COL16A1: variants seen among roughly 807,000 people sequenced by gnomAD.
COL16A1 encodes collagen type XVI alpha 1 chain, also known as collagen alpha-1(XVI) chain.
COL16A1 carries 189 observed loss-of-function variants against 266.3 expected under a neutral mutation model. The observed-to-expected ratio is 0.71, with a 90% CI of 0.63 to 0.80. COL16A1 has a LOEUF of 0.80. COL16A1 is among the 30% of genes least tolerant of loss of function. The pLI, the probability that COL16A1 is intolerant of heterozygous loss-of-function variation, is 0.00. For missense variants in COL16A1, 1,928 were observed against 2,122.4 expected (o/e 0.91, Z 1.80); for synonymous variants, 740 against 782.3 (o/e 0.95, Z 0.90).
At position 31,698,380 on chromosome 1, in the gene COL16A1, A is replaced by G; in HGVS notation, c.390+103T>C. On this transcript the variant is annotated intron_variant, in intron 5 of 70. Transcript: ENST00000373672. The surrounding 1 kb of genome is among the most constrained non-coding windows in gnomAD (Gnocchi z 4.1). ...GGACAGGCTTGAGGGTAGGCACAGG[A>G]TGGAGCAGGGAGACCCCAGAAGTCA... 6.4e-7 allele frequency: 1 copy of G among 1,566,428 alleles called. No individual in the cohort carries two copies. The highest frequency in any genetic ancestry group is 8.7e-7 in the Non-Finnish European group (1 of 1,153,314).
At chr1:31,677,948 AC>A (rs1643324316) in intron 42 of COL16A1, among the ~76,000 whole-genome samples, 2 of 152,302 alleles carry the variant, frequency 1.3e-5, no homozygotes, top group South Asian at 4.1e-4. Context: ...AATGACTCTT[AC>A]ACTTCCCCAA....
At chr1:31,674,369 G>C (rs1435905428) in intron 44 of COL16A1, among the ~76,000 whole-genome samples, 1 of 152,224 alleles carries the variant, frequency 6.6e-6, no homozygotes, top group Non-Finnish European at 1.5e-5. Context: ...CGTTTCTAGA[G>C]GTGACTAAGC....
chr1:31,665,495 C>G, intron 55 of COL16A1, 88 bp downstream of exon 55: 2 of 1,610,232 alleles, frequency 1.2e-6, no homozygotes, highest in Non-Finnish European at 8.5e-7. Context: ...CTCCCCAGGA[C>G]CATCCTACCC....
At chr1:31,702,759 A>T (rs940380806) in intron 1 of COL16A1, among the ~76,000 whole-genome samples, 1 of 152,102 alleles carries the variant, frequency 6.6e-6, no homozygotes, top group Non-Finnish European at 1.5e-5. Context: ...CTGGGCTGAG[A>T]TTGTGGGCCA....
chr1:31,690,073 C>T, intron 22 of COL16A1: 1 of 621,794 alleles, frequency 1.6e-6, no homozygotes, highest in South Asian at 2.0e-5. Context: ...CGCCGTAAGC[C>T]TTAAAACATG....
chr1:31,682,472 T>C (rs1643715880), intron 37 of COL16A1, among the ~76,000 whole-genome samples: 1 of 152,228 alleles, frequency 6.6e-6, no homozygotes, highest in Non-Finnish European at 1.5e-5. Context: ...AACAGCCACC[T>C]GTGGTTGTGC....
At chr1:31,669,488 C>A (rs1642455351) in intron 49 of COL16A1, among the ~76,000 whole-genome samples, 1 of 152,002 alleles carries the variant, frequency 6.6e-6, no homozygotes, top group African/African-American at 2.4e-5. Flanking sequence ...AGGTGCCATG[C>A]CATTAAGGGC....
chr1:31,701,590 G>C, intron 2 of COL16A1: 1 of 984,892 alleles, frequency 1.0e-6, no homozygotes. Flanking sequence ...CTCATCCAGA[G>C]TCTGGGCCTC....
At position 31,700,006 on chromosome 1, in the gene COL16A1, G is replaced by A. The variant is rs758428026; in HGVS notation, c.148+35C>T. ...TACAGATCACTCCCAGAGGAAGGTT[G>A]CAGGGACGGCGCGATGAGATGGTTG... On this transcript the variant is annotated intron_variant, in intron 3 of 70. Transcript: ENST00000373672. The A allele has an allele frequency of 3.7e-5, 59 of 1,611,028 alleles. No homozygotes were observed. The East Asian group carries it at 1.1e-3, about 29-fold the overall frequency.
intron 1 of COL16A1, 98 bp from the exon 2 acceptor site, chr1:31,702,325 G>T: frequency 8.0e-7 from 1 of 1,256,730 alleles, no homozygotes; most frequent in Non-Finnish European, 1.1e-6. Flanking sequence ...CCCAGGCACT[G>T]GTATTGGGGT....
At chr1:31,655,743 T>G in intron 66 of COL16A1, 1 of 632,706 alleles carries the variant, frequency 1.6e-6, no homozygotes, top group East Asian at 3.2e-5. Flanking sequence ...AAAGCACTCA[T>G]TCGTTGGCCG....
At chr1:31,658,856 C>T (rs1316591097) in intron 63 of COL16A1, 58 bp downstream of exon 63, 2 of 1,540,036 alleles carry the variant, frequency 1.3e-6, no homozygotes, top group Admixed American at 2.0e-5. Context: ...GAATGGAGCC[C>T]ACAGTCAAGC....
At chr1:31,703,188 C>A (rs1167911364) in intron 1 of COL16A1, among the ~76,000 whole-genome samples, 1 of 152,200 alleles carries the variant, frequency 6.6e-6, no homozygotes, top group African/African-American at 2.4e-5. Context: ...TACCCACATG[C>A]GCACAGCCAG....
At chr1:31,690,495 G>A in intron 21 of COL16A1, 34 bp downstream of exon 21, 1 of 1,614,108 alleles carries the variant, frequency 6.2e-7, no homozygotes, top group Admixed American at 1.7e-5. Flanking sequence ...CCTTGGAAGA[G>A]CCGACCCTCC....
chr1:31,656,297 C>T lies in COL16A1; in HGVS notation c.4101+103G>A, dbSNP rs573992845. On this transcript the variant is annotated intron_variant, in intron 66 of 70. Transcript: ENST00000373672. The surrounding 1 kb of genome is among the most constrained non-coding windows in gnomAD (Gnocchi z 4.2). ...GTTCTGCATTTTTGCCCCCTGCCCA[C>T]TGGCCTTCCTGTGTCTCCTCTCTGT... is the stretch of plus-strand genomic sequence containing the variant. 2.6e-6 allele frequency: 4 copies of T among 1,542,890 alleles called. No individual in the cohort carries two copies. The African/African-American group carries it at 4.2e-5, about 16-fold the overall frequency.
chr1:31,683,683 G>T (rs751281384), intron 34 of COL16A1, 24 bp downstream of exon 34: 5 of 1,613,966 alleles, frequency 3.1e-6, no homozygotes, highest in Non-Finnish European at 4.2e-6. Flanking sequence ...GAGAGGACAG[G>T]CAAAGGCAGG....
At chr1:31,683,126 C>G in intron 36 of COL16A1, 68 bp downstream of exon 36, 1 of 1,611,394 alleles carries the variant, frequency 6.2e-7, no homozygotes, top group South Asian at 1.1e-5. Context: ...GCCCCCATGT[C>G]CCCTGTGCCT....
intron 23 of COL16A1, chr1:31,689,431 T>A (rs1397456752): frequency 1.8e-6 from 1 of 552,272 alleles, no homozygotes; most frequent in Non-Finnish European, 3.2e-6. Context: ...CCCCAAAACA[T>A]ACCCAATCCT....
intron 23 of COL16A1, 28 bp from the exon 24 acceptor site, chr1:31,689,113 A>C: frequency 1.2e-6 from 2 of 1,613,240 alleles, no homozygotes; most frequent in Non-Finnish European, 1.7e-6. Flanking sequence ...TTGTGGGCTG[A>C]GGCAGGGCAC....
Sources: gnomAD v4.1 joint callset for allele counts (sites outside exome capture counted in the v4.1 genomes callset) on GRCh38, gnomAD v4.1.1 for gene constraint, Gnocchi (gnomAD v3.1) non-coding constraint, MANE v1.5 for transcripts, NCBI Gene and HGNC (gene_info 2026-07-23, HGNC 2026-07-21) for gene names.